Variants in CCDC73 observed in about 807,000 individuals in gnomAD.
CCDC73 encodes the protein coiled-coil domain-containing protein 73.
CCDC73 carries 95 observed loss-of-function variants against 116.5 expected under a neutral mutation model. The ratio of observed to expected loss-of-function variants is 0.82; its 90% CI spans 0.69 to 0.97. The LOEUF (loss-of-function observed/expected upper bound fraction) is 0.97. Ranked by LOEUF, CCDC73 falls within the 50% of genes least tolerant of loss-of-function variation. The pLI is 0.00. For missense variants in CCDC73, 1,066 were observed against 1,206.8 expected, an observed-to-expected ratio of 0.88 and a Z score of 1.73; for synonymous variants, 398 against 401.3, an observed-to-expected ratio of 0.99 and a Z score of 0.10.
chr11:32,615,984 T>C lies in CCDC73; in HGVS notation c.1331A>G (p.Glu444Gly). 2 of 1,592,026 alleles carry C rather than the reference T, an allele frequency of 1.3e-6. No individual in the cohort carries two copies. Among genetic ancestry groups the C allele is most frequent in the Non-Finnish European group, 1.7e-6 (2 of 1,166,724 alleles). Reference sequence around the variant, plus strand: ...TATAAATGAGCCTTCTTTTTTTTCTTCTTTTTCTCTGTATTCAGTATCTGA... The same window carrying C: ...TATAAATGAGCCTTCTTTTTTTTCTCCTTTTTCTCTGTATTCAGTATCTGA... Reference protein sequence around the residue: ...FCSDTEYREKEEKKEGSFIEE... With the variant: ...FCSDTEYREKGEKKEGSFIEE... Residue 444 changes from glutamate (E) to glycine (G), a missense_variant, in exon 15 of 18, where the codon GAA becomes GGA. Transcript: ENST00000335185.
At chr11:32,626,959 T>C (rs1409392981) in intron 14 of CCDC73, among the ~76,000 whole-genome samples, 2 of 151,920 alleles carry the variant, frequency 1.3e-5, no homozygotes, top group Admixed American at 6.6e-5. Flanking sequence ...GCAACAAAAG[T>C]CAAAATTGAT....
At chr11:32,748,498 T>C (rs567631118) in intron 2 of CCDC73, among the ~76,000 whole-genome samples, 9 of 152,342 alleles carry the variant, frequency 5.9e-5, no homozygotes, top group Admixed American at 1.3e-4. Context: ...TCATATCTTA[T>C]TATACTGTCT....
the CCDC73 span, among the ~76,000 whole-genome samples, chr11:32,821,298 A>T: frequency 1.3e-5 from 2 of 152,180 alleles, no homozygotes; most frequent in African/African-American, 2.4e-5. Context: ...AACAGACTCT[A>T]TACAAAGAAA....
At chr11:32,650,480 T>C (rs1360292650) in intron 12 of CCDC73, among the ~76,000 whole-genome samples, 1 of 152,222 alleles carries the variant, frequency 6.6e-6, no homozygotes, top group Non-Finnish European at 1.5e-5. Context: ...ATAAAGAACC[T>C]AGTTAAATTA....
chr11:32,819,626 C>T, the CCDC73 span, among the ~76,000 whole-genome samples: 1 of 152,008 alleles, frequency 6.6e-6, no homozygotes, highest in South Asian at 2.1e-4. Flanking sequence ...CTACACCTGA[C>T]TAATTTTTGT....
At chr11:32,801,594 T>C in the CCDC73 span, among the ~76,000 whole-genome samples, 1,007 of 149,664 alleles carry the variant, frequency 6.7e-3, 11 homozygotes, top group African/African-American at 0.023. Context: ...TGAGCGGCAA[T>C]CGCACCACTG....
At chr11:32,829,914 GCCTCCTCCCGTCCTCCGTCGGCCGCCT>G in the CCDC73 span, 2 of 985,426 alleles carry the variant, frequency 2.0e-6, no homozygotes, top group African/African-American at 3.5e-5. Context: ...CCAGGTAGCC[GCCTCCTCCCGTCCTCCGTCGGCCGCCT>G]CCCCGGACCG....
intron 3 of CCDC73, among the ~76,000 whole-genome samples, chr11:32,705,326 A>T (rs972332135): frequency 5.9e-5 from 9 of 152,188 alleles, no homozygotes; most frequent in African/African-American, 2.2e-4. Flanking sequence ...GAGTAGTGGT[A>T]ACACCCTCTT....
chr11:32,655,241 C>G (rs1209438893), intron 9 of CCDC73, among the ~76,000 whole-genome samples: 1 of 152,096 alleles, frequency 6.6e-6, no homozygotes, highest in Non-Finnish European at 1.5e-5. Flanking sequence ...ACCAGAAGTA[C>G]AGTGTTTCCA....
chr11:32,810,486 C>T, the CCDC73 span, among the ~76,000 whole-genome samples: 1 of 152,170 alleles, frequency 6.6e-6, no homozygotes. Context: ...CAGAGCAAAA[C>T]TAGTAAATTG....
At chr11:32,740,402 T>G (rs1850172900) in intron 2 of CCDC73, among the ~76,000 whole-genome samples, 3 of 152,116 alleles carry the variant, frequency 2.0e-5, no homozygotes. Flanking sequence ...GTTTTGGATT[T>G]CTTCATAGTT....
intron 17 of CCDC73, among the ~76,000 whole-genome samples, chr11:32,607,344 G>C (rs201899): frequency 6.6e-6 from 1 of 150,554 alleles, no homozygotes; most frequent in African/African-American, 2.4e-5. Context: ...CGCCCGCCTC[G>C]GCCTCCCAAA....
the CCDC73 span, chr11:32,830,284 G>A: frequency 3.3e-6 from 3 of 907,242 alleles, no homozygotes; most frequent in Non-Finnish European, 4.3e-6. Context: ...GCGGCGACAG[G>A]TGCCCGATCA....
chr11:32,676,791 GA>G (rs1292302671), intron 7 of CCDC73, among the ~76,000 whole-genome samples: 3 of 152,110 alleles, frequency 2.0e-5, no homozygotes, highest in Non-Finnish European at 4.4e-5. Flanking sequence ...CGCTAAAAGA[GA>G]AAAAGAAATG....
the CCDC73 span, among the ~76,000 whole-genome samples, chr11:32,806,668 A>G: frequency 6.6e-6 from 1 of 151,816 alleles, no homozygotes; most frequent in Non-Finnish European, 1.5e-5. Context: ...GAAACGAGAG[A>G]AAAGTCTTCC....
intron 12 of CCDC73, among the ~76,000 whole-genome samples, 190 bp from the exon 13 acceptor site, chr11:32,642,272 G>A (rs1265797867): frequency 6.6e-6 from 1 of 151,928 alleles, no homozygotes; most frequent in Non-Finnish European, 1.5e-5. Context: ...CAGAAAATAG[G>A]GGGAGGTTTT....
intron 14 of CCDC73, among the ~76,000 whole-genome samples, chr11:32,620,038 TA>T (rs1361932109): frequency 1.3e-5 from 2 of 152,110 alleles, no homozygotes; most frequent in Non-Finnish European, 2.9e-5. Flanking sequence ...AGAGAAACAG[TA>T]AAAGTCAGTG....
intron 6 of CCDC73, among the ~76,000 whole-genome samples, chr11:32,683,815 G>A (rs1565075343): frequency 1.3e-5 from 2 of 152,138 alleles, no homozygotes; most frequent in African/African-American, 4.8e-5. Flanking sequence ...TGGGGGTGGT[G>A]ATAGACTGAC....
the CCDC73 span, among the ~76,000 whole-genome samples, chr11:32,807,854 C>T: frequency 6.6e-6 from 1 of 152,122 alleles, no homozygotes; most frequent in African/African-American, 2.4e-5. Flanking sequence ...CAAAAACAGG[C>T]AACTTTAGTT....
Sources: gnomAD v4.1 joint callset for allele counts (sites outside exome capture counted in the v4.1 genomes callset) on GRCh38, gnomAD v4.1.1 for gene constraint, MANE v1.5 for transcripts, NCBI Gene and HGNC (gene_info 2026-07-23, HGNC 2026-07-21) for gene names.